HSPG2: variants seen among roughly 807,000 people sequenced by gnomAD.
HSPG2 encodes heparan sulfate proteoglycan 2.
A neutral mutation model predicts 526.6 loss-of-function variants in HSPG2; 278 were observed. The ratio of observed to expected loss-of-function variants is 0.53; its 90% CI spans 0.48 to 0.58. The LOEUF is 0.58. Among genes scored for constraint, HSPG2 ranks in the 20% least tolerant of loss-of-function variants. HSPG2 has a pLI of 0.00. For synonymous variants in HSPG2, 2,465 were observed against 2,555.4 expected, an observed-to-expected ratio of 0.96 and a Z score of 1.07; for missense variants, 5,354 against 6,099.5, an observed-to-expected ratio of 0.88 and a Z score of 4.07.
Position 21,824,375 on chromosome 1 carries a change from T to G in HSPG2, c.12746A>C (p.Glu4249Ala). 1.9e-6 allele frequency: 3 copies of G among 1,613,822 alleles called. No individual in the cohort carries two copies. The South Asian group carries it at 3.3e-5, about 18-fold the overall frequency. ...CTTGCCTTGGCCGGCCTCTCCCACCTCCTGCCAGGGAAGCACAGGGTCTCT... is the reference window on the plus strand; with the variant it reads ...CTTGCCTTGGCCGGCCTCTCCCACCGCCTGCCAGGGAAGCACAGGGTCTCT... ...ASGLLLWQGV[E>A]VGEAGQGKDF... Residue 4249 changes from glutamate to alanine, a missense_variant and splice_region_variant, in exon 94 of 97, where the codon GAG becomes GCG. By Grantham distance (107) the Glu-to-Ala change is moderately radical (BLOSUM62 -1). Coordinates refer to ENST00000374695, the MANE Select transcript of HSPG2 (RefSeq NM_005529.7). The surrounding 1 kb of genome is among the most constrained non-coding windows in gnomAD (Gnocchi z 5.9).
chr1:21,829,871 G>C (rs1003255996), intron 86 of HSPG2, 122 bp downstream of exon 86: 1 of 938,348 alleles, frequency 1.1e-6, no homozygotes, highest in African/African-American at 1.6e-5. Context: ...AGGTGACTTC[G>C]AGATCCTCTG....
rs1439597990 is a variant in HSPG2 at position 21,828,959 on chromosome 1, G to A, written c.12113C>T (p.Ser4038Phe). Residue 4038 changes from serine to phenylalanine, a missense_variant, in exon 88 of 97, where the codon TCC becomes TTC. Ser to Phe is a radical substitution (Grantham distance 155). Coordinates refer to ENST00000374695, the MANE Select transcript of HSPG2 (RefSeq NM_005529.7). This position sits in a 1 kb window ranked among gnomAD's most constrained non-coding sequence, Gnocchi z 6.0. ...GAGGCCCTGGCTCTTGCCGGGCGAGGAGCGCAGCACAGGGCGTCCACCATT... is the reference window on the plus strand; with the variant it reads ...GAGGCCCTGGCTCTTGCCGGGCGAGAAGCGCAGCACAGGGCGTCCACCATT... The part of the protein sequence containing the change: ...RVNGGRPVLR[S>F]SPGKSQGLNL... 6.3e-7 allele frequency: 1 copy of A among 1,577,626 alleles called. No individual in the cohort carries two copies. Among genetic ancestry groups the A allele is most frequent in the South Asian group, 1.2e-5 (1 of 85,928 alleles).
At chr1:21,855,188 G>T in intron 47 of HSPG2, 116 bp downstream of exon 47, 1 of 1,429,768 alleles carries the variant, frequency 7.0e-7, no homozygotes, top group Non-Finnish European at 9.5e-7. Flanking sequence ...CCATCTTGGA[G>T]GTGAAGGGAG....
Position 21,831,571 on chromosome 1 carries a change from G to A in HSPG2, c.11353-9C>T, listed in dbSNP as rs190319767. 5.0e-6 allele frequency: 8 copies of A among 1,614,094 alleles called. No individual in the cohort carries two copies. The East Asian group carries it at 1.3e-4, about 27-fold the overall frequency. On this transcript the variant is annotated splice_polypyrimidine_tract_variant and intron_variant, in intron 82 of 96. Transcript: ENST00000374695. Reference sequence around the variant, plus strand: ...AGGCCCTGGAACTTGCCCTGGGGAGGTGGGGAAGTCAGGAATGGCAACAGA... The same window carrying A: ...AGGCCCTGGAACTTGCCCTGGGGAGATGGGGAAGTCAGGAATGGCAACAGA...
intron 6 of HSPG2, 96 bp downstream of exon 6, chr1:21,889,882 AGTG>A (rs1184631355): frequency 8.4e-7 from 1 of 1,189,608 alleles, no homozygotes; most frequent in Admixed American, 1.7e-5. Flanking sequence ...CCCTGTTTCT[AGTG>A]GTGTGCAAGC....
At chr1:21,867,074 C>CT (rs5772964) in intron 33 of HSPG2, among the ~76,000 whole-genome samples, 128,112 of 134,654 alleles carry the variant, frequency 0.95, 61,139 homozygotes, top group South Asian at 0.99. Flanking sequence ...TTTTTTTCAC[C>CT]TTTTTTTTTT....
intron 21 of HSPG2, chr1:21,877,535 G>A (rs1572332760): frequency 2.5e-5 from 3 of 119,216 alleles, no homozygotes; most frequent in African/African-American, 9.8e-5. Flanking sequence ...TTTCAGTCTT[G>A]TTGCCTACAA....
intron 2 of HSPG2, 35 bp from the exon 3 acceptor site, chr1:21,896,001 A>G: frequency 6.2e-7 from 1 of 1,610,984 alleles, no homozygotes; most frequent in Non-Finnish European, 8.5e-7. Context: ...CAGCAACAAC[A>G]AGTATTTGTT....
In HSPG2 at chr1:21,852,199, GGAT is replaced by G; in HGVS notation, c.6756_6758del (p.Ser2254del). The G allele has an allele frequency of 6.2e-7, 1 of 1,614,110 alleles. No homozygotes were observed. Among genetic ancestry groups the G allele is most frequent in the Non-Finnish European group, 8.5e-7 (1 of 1,180,044 alleles). The stretch of plus-strand genomic sequence containing the variant: ...GGGTCTGGCCCTCGGCCACTGTGGA[GGAT>G]GAAGACTCGATCCTGACAGGTGGGA... On this transcript the variant is annotated inframe_deletion, in exon 53 of 97. Coordinates refer to ENST00000374695, the MANE Select transcript of HSPG2 (RefSeq NM_005529.7).
At chr1:21,868,948 G>A (rs1640443102) in intron 33 of HSPG2, 1 of 980,450 alleles carries the variant, frequency 1.0e-6, no homozygotes, top group Non-Finnish European at 1.2e-6. Flanking sequence ...GCAGAGAGAA[G>A]CCTTCGTAGG....
At chr1:21,933,307 G>A (rs2152806565) in intron 1 of HSPG2, among the ~76,000 whole-genome samples, 1 of 152,216 alleles carries the variant, frequency 6.6e-6, no homozygotes, top group East Asian at 1.9e-4. Context: ...GCCGGGTGTT[G>A]CAGGGCCTCG....
intron 69 of HSPG2, 35 bp downstream of exon 69, chr1:21,841,967 C>T: frequency 1.2e-6 from 2 of 1,611,656 alleles, no homozygotes; most frequent in Non-Finnish European, 8.5e-7. Flanking sequence ...CATGCCTGCC[C>T]CCAGCTTGCC....
At chr1:21,907,765 C>T (rs757141610) in intron 1 of HSPG2, among the ~76,000 whole-genome samples, 7 of 152,180 alleles carry the variant, frequency 4.6e-5, no homozygotes, top group Non-Finnish European at 8.8e-5. Flanking sequence ...CCTCCTGCCT[C>T]GGCCTCCTAA....
intron 1 of HSPG2, among the ~76,000 whole-genome samples, chr1:21,927,818 C>T (rs376445603): frequency 3.9e-5 from 6 of 152,328 alleles, no homozygotes; most frequent in African/African-American, 1.2e-4. Context: ...CAGTTACACC[C>T]GGAGCTCTGA....
chr1:21,910,516 CCA>C (rs1192337728), intron 1 of HSPG2, among the ~76,000 whole-genome samples: 5 of 152,168 alleles, frequency 3.3e-5, no homozygotes, highest in Non-Finnish European at 7.3e-5. Context: ...GATGTGAATC[CCA>C]GTGTGTGAAA....
intron 64 of HSPG2, among the ~76,000 whole-genome samples, chr1:21,845,725 C>A (rs549037050): frequency 1.3e-5 from 2 of 152,282 alleles, no homozygotes; most frequent in East Asian, 3.9e-4. Flanking sequence ...GAGGTGCAGT[C>A]CCAGGCTTTT....
Position 21,909,536 on chromosome 1 carries a change from A to T in HSPG2, c.64-13226T>A, listed in dbSNP as rs182273240. ...ACTATCCCTGATACTGAGAGCAGGG[A>T]ATGTCCCAAGGGACAGGCTTGTCTG... On this transcript the variant is annotated intron_variant, in intron 1 of 96. Transcript: ENST00000374695. 2.1e-4 allele frequency among the ~76,000 whole-genome samples: 32 copies of T among 152,358 alleles called. No individual in the cohort carries two copies. In the East Asian group the frequency reaches 5.2e-3, roughly 25 times the overall value.
rs2098055897 is a variant in HSPG2 at position 21,843,003 on chromosome 1, C to T, written c.8759-82G>A. The T allele has an allele frequency of 6.6e-6, 10 of 1,522,782 alleles. No individual in the cohort carries two copies. The South Asian group carries it at 1.0e-4, about 15-fold the overall frequency. 94.3% of individuals were successfully genotyped at this position (1,522,782 alleles called of 1,614,324 possible). A position where few individuals can be genotyped will look rare whatever the true frequency, so the allele number is the denominator to read the frequency against. On this transcript the variant is annotated intron_variant, in intron 66 of 96. Coordinates refer to ENST00000374695, the MANE Select transcript of HSPG2 (RefSeq NM_005529.7). The stretch of plus-strand genomic sequence containing the variant: ...TGAAGGTGGTGGCAGTGAAGACCAG[C>T]TCCAGTTGATCCTGGGGGCGCGGTG...
intron 1 of HSPG2, among the ~76,000 whole-genome samples, chr1:21,933,923 G>C (rs1382238975): frequency 3.9e-5 from 6 of 152,178 alleles, no homozygotes; most frequent in African/African-American, 1.2e-4. Context: ...AGCCTCCCCA[G>C]TGAGGAAATC....
Sources: gnomAD v4.1 joint callset for allele counts (sites outside exome capture counted in the v4.1 genomes callset) on GRCh38, gnomAD v4.1.1 for gene constraint, Gnocchi (gnomAD v3.1) non-coding constraint, MANE v1.5 for transcripts, NCBI Gene and HGNC (gene_info 2026-07-23, HGNC 2026-07-21) for gene names.